Variants in IVNS1ABP observed in about 807,000 individuals in gnomAD.
IVNS1ABP encodes influenza virus NS1A binding protein, also known as influenza virus NS1A-binding protein.
Under a neutral mutation model 78.9 loss-of-function variants are expected in IVNS1ABP, and 25 were observed. The observed-to-expected ratio is 0.32, with a 90% CI of 0.23 to 0.44. The LOEUF (loss-of-function observed/expected upper bound fraction) is 0.44. Ranked by LOEUF, IVNS1ABP falls within the 20% of genes least tolerant of loss-of-function variation. The probability of loss-of-function intolerance (pLI) is 1.00; values close to 1 mark genes in which losing one functional copy is unlikely to be tolerated. For missense variants in IVNS1ABP, 494 were observed against 768.9 expected, an observed-to-expected ratio of 0.64 and a Z score of 4.23; for synonymous variants, 241 against 259.7, an observed-to-expected ratio of 0.93 and a Z score of 0.69.
intron 5 of IVNS1ABP, 125 bp downstream of exon 5, chr1:185,308,675 C>T (rs1665805210): frequency 1.4e-6 from 1 of 709,642 alleles, no homozygotes; most frequent in African/African-American, 1.8e-5. Flanking sequence ...ATATTGACTA[C>T]TCTGAGGGAA....
At chr1:185,308,123 C>A in intron 5 of IVNS1ABP, 2 of 1,347,796 alleles carry the variant, frequency 1.5e-6, no homozygotes, top group South Asian at 1.5e-5. Flanking sequence ...GGGATATGTA[C>A]TGTAAATTAA....
At chr1:185,311,412 G>C (rs1204632078) in intron 1 of IVNS1ABP, 90 bp from the exon 2 acceptor site, 3 of 379,872 alleles carry the variant, frequency 7.9e-6, no homozygotes, top group African/African-American at 6.3e-5. Context: ...AACAAGTCCT[G>C]ATCTTCAAGA....
chr1:185,301,695 C>G, intron 8 of IVNS1ABP, 132 bp from the exon 9 acceptor site: 2 of 903,866 alleles, frequency 2.2e-6, no homozygotes, highest in Non-Finnish European at 3.3e-6. Context: ...AACTTTAACT[C>G]AAGCCAACAC....
intron 1 of IVNS1ABP, among the ~76,000 whole-genome samples, chr1:185,313,296 TC>T (rs1571751095): frequency 1.3e-5 from 2 of 152,272 alleles, no homozygotes; most frequent in East Asian, 3.9e-4. Context: ...TTACTCTAAT[TC>T]CATGACAGTA....
At chr1:185,304,356 T>C (rs1313191044) in intron 8 of IVNS1ABP, among the ~76,000 whole-genome samples, 1 of 152,134 alleles carries the variant, frequency 6.6e-6, no homozygotes, top group Non-Finnish European at 1.5e-5. Context: ...TGTTTAGAGT[T>C]AAGGGGGAAA....
At chr1:185,308,951 G>A in intron 4 of IVNS1ABP, 52 bp downstream of exon 4, 1 of 1,579,868 alleles carries the variant, frequency 6.3e-7, no homozygotes, top group African/African-American at 1.4e-5. Context: ...GCAAGACTTG[G>A]AATTTTCTGA....
Position 185,298,409 on chromosome 1 carries a change from G to T in IVNS1ABP, c.1676-121C>A. ...AAAAATAGAAATGCCTGTTCATTTT[G>T]TCAAAAAGAATTTATTAAATGCCTA... On this transcript the variant is annotated intron_variant, in intron 14 of 14. Coordinates refer to ENST00000367498, the MANE Select transcript of IVNS1ABP (RefSeq NM_006469.5). The surrounding 1 kb of genome is among the most constrained non-coding windows in gnomAD (Gnocchi z 4.1). The T allele has an allele frequency of 1.2e-6, 1 of 859,278 alleles. No homozygotes were observed. Among genetic ancestry groups the T allele is most frequent in the Non-Finnish European group, 1.8e-6 (1 of 566,282 alleles). The allele number at this position is 859,278 out of a possible 1,614,324, so 53.2% of individuals were successfully genotyped here.
chr1:185,315,022 C>CA (rs1026087233), intron 1 of IVNS1ABP, among the ~76,000 whole-genome samples: 4 of 152,122 alleles, frequency 2.6e-5, no homozygotes, highest in Admixed American at 2.6e-4. Context: ...GTTGTTTTAA[C>CA]AAAAACCCAG....
intron 6 of IVNS1ABP, among the ~76,000 whole-genome samples, 170 bp downstream of exon 6, chr1:185,307,319 C>T (rs1037186889): frequency 2.6e-5 from 4 of 152,050 alleles, no homozygotes; most frequent in African/African-American, 9.7e-5. Context: ...ATTACTGAAT[C>T]AAAAACAAAG....
Position 185,298,661 on chromosome 1 carries a change from A to G in IVNS1ABP, c.1676-373T>C. The G allele has an allele frequency of 3.8e-6, 1 of 265,484 alleles. No individual in the cohort carries two copies. Among genetic ancestry groups the G allele is most frequent in the African/African-American group, 2.3e-5 (1 of 44,118 alleles). 16.4% of individuals were successfully genotyped at this position (265,484 alleles called of 1,614,324 possible). ...AGATGCAGCTACTAAGTAGCAAACC[A>G]GAATAGTTCTGTGCACTGGACTTTA... is the stretch of plus-strand genomic sequence containing the variant. On this transcript the variant is annotated intron_variant, in intron 14 of 14. Coordinates refer to ENST00000367498, the MANE Select transcript of IVNS1ABP (RefSeq NM_006469.5). This position sits in a 1 kb window ranked among gnomAD's most constrained non-coding sequence, Gnocchi z 4.1.
chr1:185,311,715 C>G (rs1665889098), intron 1 of IVNS1ABP, among the ~76,000 whole-genome samples: 1 of 152,120 alleles, frequency 6.6e-6, no homozygotes, highest in Non-Finnish European at 1.5e-5. Context: ...AGGCATTATT[C>G]CCAAGCATAT....
At chr1:185,312,980 T>A (rs1665925344) in intron 1 of IVNS1ABP, among the ~76,000 whole-genome samples, 1 of 152,126 alleles carries the variant, frequency 6.6e-6, no homozygotes, top group Non-Finnish European at 1.5e-5. Context: ...TTAAAATGCA[T>A]CCTCTGAAAA....
At chr1:185,307,420 G>T in intron 6 of IVNS1ABP, 69 bp downstream of exon 6, 1 of 1,245,094 alleles carries the variant, frequency 8.0e-7, no homozygotes, top group South Asian at 1.4e-5. Context: ...TCACTTGCTT[G>T]AAACACAGAC....
chr1:185,304,726 C>T (rs953079017), intron 8 of IVNS1ABP, among the ~76,000 whole-genome samples: 13 of 152,038 alleles, frequency 8.6e-5, no homozygotes, highest in African/African-American at 2.7e-4. Context: ...GAGCACTATA[C>T]GGAAACGGTT....
intron 8 of IVNS1ABP, among the ~76,000 whole-genome samples, chr1:185,304,287 C>G (rs538154989): frequency 6.6e-6 from 1 of 152,246 alleles, no homozygotes; most frequent in East Asian, 1.9e-4. Flanking sequence ...TGGCCTGCCA[C>G]TTATTGGGCA....
rs763365468 is a variant in IVNS1ABP at position 185,299,793 on chromosome 1, C to T, written c.1592G>A (p.Arg531Gln). The T allele has an allele frequency of 6.8e-5, 110 of 1,613,552 alleles. No individual in the cohort carries two copies. Among genetic ancestry groups the T allele is most frequent in the Non-Finnish European group, 9.0e-5 (106 of 1,179,762 alleles). Residue 531 changes from arginine (R) to glutamine (Q), a missense_variant, in exon 14 of 15, where the codon CGA (arginine) becomes CAA (glutamine). Physicochemically the swap from Arg to Gln is conservative, Grantham distance 43. Coordinates refer to ENST00000367498, the MANE Select transcript of IVNS1ABP (RefSeq NM_006469.5). Reference protein sequence around the residue: ...ESWNCLNTVERYNPENNTWTL... With the variant: ...ESWNCLNTVEQYNPENNTWTL... ...CCAGGTATTATTTTCAGGATTGTATCGTTCTACTGTGTTCAGACAATTCCA... is the reference window on the plus strand; with the variant it reads ...CCAGGTATTATTTTCAGGATTGTATTGTTCTACTGTGTTCAGACAATTCCA...
Position 185,299,865 on chromosome 1 carries a change from A to G in IVNS1ABP, c.1520T>C (p.Val507Ala). 6.2e-7 allele frequency: 1 copy of G among 1,613,708 alleles called. No homozygotes were observed. Among genetic ancestry groups the G allele is most frequent in the South Asian group, 1.1e-5 (1 of 91,088 alleles). The change falls in exon 14 of 15, where the codon GTC (valine) becomes GCC (alanine). Residue 507 changes from valine (V) to alanine (A), a missense_variant. By Grantham distance (64) the Val-to-Ala change is moderately conservative. Coordinates refer to ENST00000367498, the MANE Select transcript of IVNS1ABP (RefSeq NM_006469.5). ...GTACAAATAACCACCAAGCTCACAGACTGCAGACTGGTGTCTCCCTACAAG... is the reference window on the plus strand; with the variant it reads ...GTACAAATAACCACCAAGCTCACAGGCTGCAGACTGGTGTCTCCCTACAAG... ...PLNIRRHQSA[V>A]CELGGYLYII...
intron 14 of IVNS1ABP, 90 bp downstream of exon 14, chr1:185,299,620 A>G: frequency 8.4e-7 from 1 of 1,187,526 alleles, no homozygotes; most frequent in Non-Finnish European, 1.3e-6. Context: ...TCTTAACTGT[A>G]CAACTATAGT....
chr1:185,300,081 T>C lies in IVNS1ABP; in HGVS notation c.1419A>G (p.Pro473=). The C allele has an allele frequency of 6.2e-7, 1 of 1,613,508 alleles. No homozygotes were observed. The highest frequency in any genetic ancestry group is 8.5e-7 in the Non-Finnish European group (1 of 1,179,700). ...AATTTTTCAGTCCTTTTTGACCATA[T>C]GGATCAGAGCCACCAACGATGTATA... ...GKLYIVGGSD[P]YGQKGLKNCD... is the part of the protein sequence containing the mutation. Residue 473 remains proline (P), a synonymous_variant, in exon 13 of 15, where the codon CCA becomes CCG. Transcript: ENST00000367498.
Sources: allele counts gnomAD v4.1 joint callset (sites outside exome capture counted in the v4.1 genomes callset), GRCh38; gene constraint gnomAD v4.1.1; non-coding constraint Gnocchi (gnomAD v3.1); transcripts MANE v1.5; gene names NCBI Gene and HGNC (gene_info 2026-07-23, HGNC 2026-07-21).